The following RAB3GAP1 variants were observed in gnomAD, a reference collection of about 807,000 sequenced individuals.
RAB3GAP1 encodes RAB3 GTPase activating protein catalytic subunit 1.
A neutral mutation model predicts 130.7 loss-of-function variants in RAB3GAP1; 86 were observed. That is an observed-to-expected ratio of 0.66 (90% confidence interval 0.55 to 0.79). The LOEUF is 0.79. RAB3GAP1 is among the 30% of genes least tolerant of loss of function. The pLI, the probability that RAB3GAP1 is intolerant of heterozygous loss-of-function variation, is 0.00. For synonymous variants in RAB3GAP1, 367 were observed against 401.7 expected (o/e 0.91, Z 1.03); for missense variants, 1,029 against 1,169.4 (o/e 0.88, Z 1.75).
At chr2:135,100,146 C>T (rs889970992) in intron 5 of RAB3GAP1, among the ~76,000 whole-genome samples, 1 of 152,162 alleles carries the variant, frequency 6.6e-6, no homozygotes, top group Non-Finnish European at 1.5e-5. Context: ...ACCTTATCAT[C>T]TCAGAGTTAT....
chr2:135,172,499 T>C (rs889718632), downstream of RAB3GAP1, among the ~76,000 whole-genome samples: 5 of 151,178 alleles, frequency 3.3e-5, no homozygotes, highest in African/African-American at 1.2e-4. Context: ...GGGGTGGAAG[T>C]AGTGAAACTA....
intron 17 of RAB3GAP1, among the ~76,000 whole-genome samples, chr2:135,148,221 A>G (rs910850058): frequency 9.2e-5 from 14 of 152,322 alleles, no homozygotes; most frequent in Admixed American, 7.2e-4. Context: ...TTGGAATTCA[A>G]AATGATCCCA....
rs180694065 is a variant in RAB3GAP1, at chr2:135,055,898, G to A, written c.75-2113G>A. Among the ~76,000 whole-genome samples the A allele has an allele frequency of 7.3e-3, 1,110 of 151,680 alleles. 12 individuals are homozygous for A. Among genetic ancestry groups the A allele is most frequent in the African/African-American group, 0.024 (1,000 of 41,334 alleles). ...GTCGCCCAGGCTGGAGTGCAGTGGC[G>A]CGATCTCGGCTCACTGCAAGCTCTG... is the stretch of plus-strand genomic sequence containing the variant. On this transcript the variant is annotated intron_variant, in intron 2 of 23. Transcript: ENST00000264158.
intron 2 of RAB3GAP1, 106 bp downstream of exon 2, chr2:135,052,591 G>T: frequency 7.4e-7 from 1 of 1,345,700 alleles, no homozygotes; most frequent in Non-Finnish European, 1.1e-6. Flanking sequence ...GTGCGGGAAC[G>T]GTAATACCGT....
At chr2:135,154,473 T>C (rs1692256221) in intron 19 of RAB3GAP1, among the ~76,000 whole-genome samples, 1 of 152,106 alleles carries the variant, frequency 6.6e-6, no homozygotes, top group Non-Finnish European at 1.5e-5. Flanking sequence ...GCATTCAGCA[T>C]TACTAAGAGA....
At chr2:135,116,674 T>A (rs1690980020) in intron 7 of RAB3GAP1, among the ~76,000 whole-genome samples, 1 of 152,210 alleles carries the variant, frequency 6.6e-6, no homozygotes, top group South Asian at 2.1e-4. Flanking sequence ...ATGTCCTTGT[T>A]CTTAGGAATT....
At chr2:135,107,502 A>G (rs1300962575) in intron 5 of RAB3GAP1, among the ~76,000 whole-genome samples, 61 of 152,012 alleles carry the variant, frequency 4.0e-4, no homozygotes, top group Non-Finnish European at 4.4e-5. Context: ...TAAATTAAAG[A>G]TGTGTATTAT....
intron 21 of RAB3GAP1, 65 bp from the exon 22 acceptor site, chr2:135,162,921 C>G: frequency 6.4e-7 from 1 of 1,568,244 alleles, no homozygotes; most frequent in Non-Finnish European, 8.8e-7. Flanking sequence ...TTTTAAGATG[C>G]GTTTTCAAAG....
intron 17 of RAB3GAP1, among the ~76,000 whole-genome samples, chr2:135,141,051 T>C (rs1281233275): frequency 6.6e-6 from 1 of 152,210 alleles, no homozygotes; most frequent in African/African-American, 2.4e-5. Flanking sequence ...TATATATTTA[T>C]TGCCCATTTG....
At chr2:135,065,749 A>C (rs961499484) in intron 3 of RAB3GAP1, among the ~76,000 whole-genome samples, 2 of 151,514 alleles carry the variant, frequency 1.3e-5, no homozygotes, top group Non-Finnish European at 2.9e-5. Context: ...TAAAATTTCT[A>C]ATACGGGATC....
chr2:135,113,726 T>C (rs1690887688), intron 6 of RAB3GAP1, among the ~76,000 whole-genome samples: 1 of 152,074 alleles, frequency 6.6e-6, no homozygotes, highest in African/African-American at 2.4e-5. Context: ...TCTCAACTCA[T>C]TTTTGCTCAA....
intron 3 of RAB3GAP1, among the ~76,000 whole-genome samples, chr2:135,085,544 T>G (rs1009660988): frequency 6.6e-6 from 1 of 152,198 alleles, no homozygotes; most frequent in South Asian, 2.1e-4. Context: ...TCCAAAGTTA[T>G]GGCTTAGACT....
rs1690657432 is a variant in RAB3GAP1, at chr2:135,107,368, T to C, written c.363-5783T>C. Among the ~76,000 whole-genome samples the C allele has an allele frequency of 2.0e-5, 3 of 148,822 alleles. No homozygotes were observed. The South Asian group carries it at 6.2e-4, about 31-fold the overall frequency. ...CTTAAGCAATAATGACAGCACTATA[T>C]TGTTGGGTTTATAACATATGTAATA... On this transcript the variant is annotated intron_variant, in intron 5 of 23. Transcript: ENST00000264158.
chr2:135,120,970 G>T (rs369923063), intron 8 of RAB3GAP1, 52 bp downstream of exon 8: 20 of 1,234,932 alleles, frequency 1.6e-5, no homozygotes, highest in Non-Finnish European at 2.3e-5. Context: ...TGGAAAAGAA[G>T]ATACATTCAG....
chr2:135,141,250 A>ATTTTTT (rs1691831216), intron 17 of RAB3GAP1, among the ~76,000 whole-genome samples: 1 of 138,588 alleles, frequency 7.2e-6, no homozygotes, highest in Non-Finnish European at 1.5e-5. Context: ...TTTTTGAGAC[A>ATTTTTT]GTCTCACTCT....
chr2:135,130,124 T>C, intron 12 of RAB3GAP1, 37 bp downstream of exon 12: 1 of 1,480,084 alleles, frequency 6.8e-7, no homozygotes, highest in Non-Finnish European at 9.4e-7. Context: ...CTTTCAAATG[T>C]CTTACTGTTT....
intron 5 of RAB3GAP1, among the ~76,000 whole-genome samples, chr2:135,106,179 G>T (rs934739571): frequency 1.3e-5 from 2 of 151,102 alleles, no homozygotes; most frequent in African/African-American, 2.4e-5. Flanking sequence ...TCCGGGAGGT[G>T]GGGGGTGCCT....
intron 5 of RAB3GAP1, among the ~76,000 whole-genome samples, chr2:135,109,188 C>G (rs1690719872): frequency 6.6e-6 from 1 of 151,984 alleles, no homozygotes; most frequent in Non-Finnish European, 1.5e-5. Flanking sequence ...GAACTTTAAA[C>G]TCAGTTTGTG....
Position 135,132,914 on chromosome 2 carries a change from T to C in RAB3GAP1, c.1256T>C (p.Val419Ala). The C allele has an allele frequency of 6.4e-7, 1 of 1,572,778 alleles. No homozygotes were observed. The highest frequency in any genetic ancestry group is 8.8e-7 in the Non-Finnish European group (1 of 1,142,846). ...TILLFLFPDA[V>A]SEKPLDGTTS... is the part of the protein sequence containing the mutation. ...TTCAAGTTCTTATTCCCTGATGCTG[T>C]TTCTGAGAAACCATTAGATGGAACT... Residue 419 changes from valine (V) to alanine (A), a missense_variant, in exon 14 of 24, where the codon GTT becomes GCT. Physicochemically the swap from Val to Ala is moderately conservative, Grantham distance 64 (BLOSUM62 0). This residue lies in a region of RAB3GAP1 where 510 missense variants were observed against 532.1 expected (regional missense o/e 0.96). Coordinates refer to ENST00000264158, the MANE Select transcript of RAB3GAP1 (RefSeq NM_012233.3).
Sources: allele counts gnomAD v4.1 joint callset (sites outside exome capture counted in the v4.1 genomes callset), GRCh38; gene constraint gnomAD v4.1.1; regional missense constraint gnomAD v4.1.1; transcripts MANE v1.5; gene names NCBI Gene and HGNC (gene_info 2026-07-23, HGNC 2026-07-21).